Variants in SLC38A6 observed in about 807,000 individuals in gnomAD.
SLC38A6 encodes N system amino acid transporter NAT-1.
SLC38A6 carries 73 observed loss-of-function variants against 65.0 expected under a neutral mutation model. The ratio of observed to expected loss-of-function variants is 1.12; its 90% CI spans 0.93 to 1.37. The LOEUF is 1.37. SLC38A6 is among the 40% of genes most tolerant of loss of function. The probability of loss-of-function intolerance (pLI) is 0.00; values close to 1 mark genes in which losing one functional copy is unlikely to be tolerated. For synonymous variants in SLC38A6, 183 were observed against 178.8 expected (o/e 1.02, Z -0.19); for missense variants, 561 against 531.1 (o/e 1.06, Z -0.55).
chr14:61,047,046 G>A (rs867755998), intron 12 of SLC38A6, among the ~76,000 whole-genome samples: 3 of 152,186 alleles, frequency 2.0e-5, no homozygotes, highest in Middle Eastern at 3.4e-3. Context: ...CTGTAACAGG[G>A]TCTCTTGGGA....
intron 3 of SLC38A6, among the ~76,000 whole-genome samples, chr14:61,015,056 C>G (rs114590409): frequency 0.021 from 3,206 of 152,302 alleles, 115 homozygotes; most frequent in African/African-American, 0.073. Context: ...AGTCCACTTT[C>G]TTTACCTATT....
intron 7 of SLC38A6, 39 bp from the exon 8 acceptor site, chr14:61,037,586 T>C: frequency 7.0e-7 from 1 of 1,434,454 alleles, no homozygotes; most frequent in Non-Finnish European, 9.6e-7. Context: ...AAAATCGCTT[T>C]CCTTATAAAT....
chr14:61,060,960 A>G (rs1044837626), intron 15 of SLC38A6, among the ~76,000 whole-genome samples: 10 of 150,536 alleles, frequency 6.6e-5, no homozygotes, highest in Non-Finnish European at 4.4e-5. Flanking sequence ...AGGTGAGGCA[A>G]TGCCTCGACC....
chr14:61,021,682 A>G (rs2040351802), intron 5 of SLC38A6, among the ~76,000 whole-genome samples: 1 of 152,156 alleles, frequency 6.6e-6, no homozygotes, highest in Non-Finnish European at 1.5e-5. Context: ...TGGTCACAGC[A>G]GTTTTTAATG....
At chr14:61,030,600 C>T in intron 6 of SLC38A6, 77 bp downstream of exon 6, 1 of 961,130 alleles carries the variant, frequency 1.0e-6, no homozygotes, top group Non-Finnish European at 1.6e-6. Context: ...AATGGCAATA[C>T]TTGTAGTGGC....
At chr14:60,995,953 G>A (rs570643026) in intron 3 of SLC38A6, among the ~76,000 whole-genome samples, 6 of 152,258 alleles carry the variant, frequency 3.9e-5, no homozygotes, top group South Asian at 2.1e-4. Flanking sequence ...AAGTGGACAC[G>A]TGTCATTATA....
chr14:61,073,294 A>G (rs1319455194), intron 15 of SLC38A6, among the ~76,000 whole-genome samples: 1 of 152,170 alleles, frequency 6.6e-6, no homozygotes, highest in Non-Finnish European at 1.5e-5. Flanking sequence ...CCCACTTCAG[A>G]TGGGTAGTTT....
chr14:61,009,042 C>T (rs575906390), intron 3 of SLC38A6, among the ~76,000 whole-genome samples: 3 of 152,246 alleles, frequency 2.0e-5, no homozygotes, highest in Non-Finnish European at 4.4e-5. Context: ...TCTAAGAGGA[C>T]TCTATTCTTA....
chr14:61,054,929 T>C (rs115239272), downstream of SLC38A6, among the ~76,000 whole-genome samples: 3,174 of 152,186 alleles, frequency 0.021, 115 homozygotes, highest in African/African-American at 0.073. Context: ...GGTATCCTCG[T>C]CTTAACGCCA....
chr14:61,011,729 A>T (rs1273021845), intron 3 of SLC38A6, among the ~76,000 whole-genome samples: 1 of 152,208 alleles, frequency 6.6e-6, no homozygotes, highest in Non-Finnish European at 1.5e-5. Flanking sequence ...CCAGGGATGA[A>T]GCCGACTTGA....
chr14:61,021,430 G>A (rs2040339441), intron 5 of SLC38A6, among the ~76,000 whole-genome samples: 1 of 152,078 alleles, frequency 6.6e-6, no homozygotes, highest in Non-Finnish European at 1.5e-5. Context: ...AGCTGTTTTG[G>A]GTTTTCTTAT....
intron 3 of SLC38A6, among the ~76,000 whole-genome samples, chr14:60,994,023 T>A (rs2038094529): frequency 1.3e-5 from 2 of 152,234 alleles, no homozygotes; most frequent in South Asian, 4.1e-4. Flanking sequence ...GAATACAGTT[T>A]GGCAGTTTTT....
intron 3 of SLC38A6, among the ~76,000 whole-genome samples, chr14:60,990,426 A>T (rs149271837): frequency 3.8e-4 from 58 of 152,182 alleles, no homozygotes; most frequent in African/African-American, 1.4e-3. Context: ...TGCCTCCGTG[A>T]CATCTCCACT....
chr14:61,032,628 A>T (rs558164157), intron 6 of SLC38A6, among the ~76,000 whole-genome samples: 1 of 151,936 alleles, frequency 6.6e-6, no homozygotes, highest in Non-Finnish European at 1.5e-5. Flanking sequence ...TAACAACCTT[A>T]TCTTGTTTTA....
intron 8 of SLC38A6, among the ~76,000 whole-genome samples, chr14:61,039,524 A>ATTTTTTTTTTTTT (rs5809078): frequency 7.7e-6 from 1 of 130,598 alleles, no homozygotes. Context: ...GTGCATGCTA[A>ATTTTTTTTTTTTT]TTTTTTTTTT....
At chr14:61,008,101 T>C (rs1308174154) in intron 3 of SLC38A6, among the ~76,000 whole-genome samples, 1 of 152,202 alleles carries the variant, frequency 6.6e-6, no homozygotes, top group Non-Finnish European at 1.5e-5. Flanking sequence ...GCATAAAGTT[T>C]GCTACTCATA....
chr14:61,011,439 G>C (rs1242967643), intron 3 of SLC38A6, among the ~76,000 whole-genome samples: 1 of 151,996 alleles, frequency 6.6e-6, no homozygotes, highest in Non-Finnish European at 1.5e-5. Context: ...TGGTGAGAGA[G>C]GGCATCCCTG....
intron 3 of SLC38A6, among the ~76,000 whole-genome samples, chr14:61,003,445 T>G (rs2038848359): frequency 6.6e-6 from 1 of 152,168 alleles, no homozygotes; most frequent in Non-Finnish European, 1.5e-5. Flanking sequence ...CAATACCCCC[T>G]GAGTATCTTT....
At chr14:61,005,693 A>G (rs2039055259) in intron 3 of SLC38A6, among the ~76,000 whole-genome samples, 2 of 152,236 alleles carry the variant, frequency 1.3e-5, no homozygotes, top group Admixed American at 6.5e-5. Flanking sequence ...AGATACAAAG[A>G]AATGGAAGAA....
Sources: allele counts gnomAD v4.1 joint callset (sites outside exome capture counted in the v4.1 genomes callset), GRCh38; gene constraint gnomAD v4.1.1; transcripts MANE v1.5; gene names NCBI Gene and HGNC (gene_info 2026-07-23, HGNC 2026-07-21).